The following GRIA4 variants were observed in gnomAD, a reference collection of about 807,000 sequenced individuals.
GRIA4 encodes glutamate receptor 4.
GRIA4 carries 34 observed loss-of-function variants against 104.0 expected under a neutral mutation model. That is an observed-to-expected ratio of 0.33 (90% CI 0.25 to 0.44). GRIA4 has a LOEUF of 0.44. Ranked by LOEUF, GRIA4 falls within the 20% of genes least tolerant of loss-of-function variation. The pLI, the probability that GRIA4 is intolerant of heterozygous loss-of-function variation, is 1.00. For synonymous variants in GRIA4, 386 were observed against 381.9 expected (o/e 1.01, Z -0.13); for missense variants, 750 against 1,096.5 (o/e 0.68, Z 4.46).
chr11:105,719,025 G>A (rs1954202385), intron 3 of GRIA4, among the ~76,000 whole-genome samples: 2 of 152,082 alleles, frequency 1.3e-5, no homozygotes, highest in Non-Finnish European at 2.9e-5. Context: ...TTCTTAAAAA[G>A]CTGATCTCTC....
intron 3 of GRIA4, among the ~76,000 whole-genome samples, chr11:105,680,955 C>G (rs1952691533): frequency 6.6e-6 from 1 of 152,200 alleles, no homozygotes; most frequent in African/African-American, 2.4e-5. Flanking sequence ...ATCCCAATCA[C>G]TCTGGACTCA....
chr11:105,916,723 A>G (rs982345000), intron 10 of GRIA4, among the ~76,000 whole-genome samples: 1 of 152,230 alleles, frequency 6.6e-6, no homozygotes, highest in African/African-American at 2.4e-5. Context: ...ATACAGTAAT[A>G]TATGTACTTG....
At chr11:105,815,665 G>C (rs1215266060) in intron 4 of GRIA4, among the ~76,000 whole-genome samples, 20 of 139,700 alleles carry the variant, frequency 1.4e-4, no homozygotes, top group Non-Finnish European at 2.2e-4. Context: ...TTATATGAAT[G>C]AAAAACGACC....
At chr11:105,843,539 C>G (rs1944469722) in intron 4 of GRIA4, among the ~76,000 whole-genome samples, 1 of 152,140 alleles carries the variant, frequency 6.6e-6, no homozygotes, top group Non-Finnish European at 1.5e-5. Flanking sequence ...TCTTCCAAAA[C>G]CAGGAAAGCC....
At chr11:105,942,533 G>A (rs566267561) in intron 14 of GRIA4, among the ~76,000 whole-genome samples, 7 of 152,086 alleles carry the variant, frequency 4.6e-5, no homozygotes, top group Admixed American at 1.3e-4. Flanking sequence ...ATAGAGGAAG[G>A]AACTGTATAA....
At chr11:105,913,041 G>T (rs1308294209) in intron 10 of GRIA4, 2 of 910,122 alleles carry the variant, frequency 2.2e-6, no homozygotes, top group East Asian at 1.2e-4. Flanking sequence ...CTTTGTGTAT[G>T]TTCTTATTTA....
At chr11:105,764,842 T>C (rs1940856107) in intron 4 of GRIA4, among the ~76,000 whole-genome samples, 2 of 151,856 alleles carry the variant, frequency 1.3e-5, no homozygotes, top group Admixed American at 1.3e-4. Context: ...TTTTAAAAAA[T>C]AGTCCTCTTA....
At chr11:105,624,554 A>G (rs1274759807) in intron 3 of GRIA4, among the ~76,000 whole-genome samples, 10 of 152,082 alleles carry the variant, frequency 6.6e-5, no homozygotes, top group Non-Finnish European at 2.9e-5. Context: ...GCAATTTGTT[A>G]GTTTCCATAA....
intron 3 of GRIA4, among the ~76,000 whole-genome samples, chr11:105,710,154 G>A (rs969949228): frequency 2.0e-5 from 3 of 152,012 alleles, no homozygotes; most frequent in Non-Finnish European, 4.4e-5. Context: ...AGAGAAACTA[G>A]TTTTACCTTG....
intron 4 of GRIA4, among the ~76,000 whole-genome samples, chr11:105,773,488 T>C (rs1941307796): frequency 6.6e-6 from 1 of 152,132 alleles, no homozygotes; most frequent in South Asian, 2.1e-4. Context: ...AATTAAAAAT[T>C]ATAGAGTTTT....
chr11:105,712,870 TAA>T (rs1953961258), intron 3 of GRIA4, among the ~76,000 whole-genome samples: 1 of 151,878 alleles, frequency 6.6e-6, no homozygotes, highest in South Asian at 2.1e-4. Context: ...AAAAAAAATA[TAA>T]AGAGCTCAGC....
At chr11:105,783,436 T>C (rs1941815432) in intron 4 of GRIA4, among the ~76,000 whole-genome samples, 1 of 152,216 alleles carries the variant, frequency 6.6e-6, no homozygotes, top group Non-Finnish European at 1.5e-5. Context: ...TGCACACAGA[T>C]AGATCTCTTT....
chr11:105,848,050 A>G (rs1944660326), intron 4 of GRIA4, among the ~76,000 whole-genome samples: 1 of 152,238 alleles, frequency 6.6e-6, no homozygotes, highest in South Asian at 2.1e-4. Flanking sequence ...TTTCATGTCA[A>G]GTAAGCCATT....
intron 3 of GRIA4, among the ~76,000 whole-genome samples, chr11:105,666,628 C>T (rs1394542962): frequency 6.6e-6 from 1 of 151,536 alleles, no homozygotes; most frequent in African/African-American, 2.4e-5. Flanking sequence ...AATATAATTC[C>T]TTAATATTTG....
intron 3 of GRIA4, among the ~76,000 whole-genome samples, chr11:105,618,001 T>C (rs1451126158): frequency 6.6e-6 from 1 of 151,930 alleles, no homozygotes; most frequent in Non-Finnish European, 1.5e-5. Flanking sequence ...GGTGTTAAGA[T>C]CTAGTCGAGT....
intron 3 of GRIA4, among the ~76,000 whole-genome samples, chr11:105,727,527 A>C (rs1480512518): frequency 2.6e-5 from 4 of 152,152 alleles, no homozygotes; most frequent in Non-Finnish European, 1.5e-5. Context: ...AATACAGAGA[A>C]CACCACAAAG....
chr11:105,725,689 G>T (rs1483744417), intron 3 of GRIA4, among the ~76,000 whole-genome samples: 1 of 152,106 alleles, frequency 6.6e-6, no homozygotes, highest in Non-Finnish European at 1.5e-5. Flanking sequence ...TTGCAACTGA[G>T]GAAACCGGTT....
chr11:105,708,273 A>G (rs1244367362), intron 3 of GRIA4, among the ~76,000 whole-genome samples: 3 of 152,102 alleles, frequency 2.0e-5, no homozygotes, highest in Non-Finnish European at 1.5e-5. Flanking sequence ...ATCTCTTCAA[A>G]ACAAATACCA....
At chr11:105,944,124 T>TG (rs1591472715) in intron 14 of GRIA4, among the ~76,000 whole-genome samples, 2 of 152,162 alleles carry the variant, frequency 1.3e-5, no homozygotes, top group East Asian at 3.9e-4. Flanking sequence ...TAGTAGTAGA[T>TG]GGAGACAAGA....
Sources: allele counts gnomAD v4.1 joint callset (sites outside exome capture counted in the v4.1 genomes callset), GRCh38; gene constraint gnomAD v4.1.1; transcripts MANE v1.5; gene names NCBI Gene and HGNC (gene_info 2026-07-23, HGNC 2026-07-21).